R3HDM2: variants seen among roughly 807,000 people sequenced by gnomAD.
R3HDM2 encodes the protein R3H domain-containing protein 2.
A neutral mutation model predicts 124.5 loss-of-function variants in R3HDM2; 38 were observed. The observed-to-expected ratio is 0.31, with a 90% CI of 0.24 to 0.40. The LOEUF is 0.40. R3HDM2 is among the 10% of genes least tolerant of loss of function. The pLI, the probability that R3HDM2 is intolerant of heterozygous loss-of-function variation, is 1.00. For synonymous variants in R3HDM2, 391 were observed against 448.0 expected (o/e 0.87, Z 1.61); for missense variants, 869 against 1,236.9 (o/e 0.70, Z 4.46).
chr12:57,324,573 T>C (rs1241718754), intron 2 of R3HDM2, among the ~76,000 whole-genome samples: 1 of 152,220 alleles, frequency 6.6e-6, no homozygotes, highest in Non-Finnish European at 1.5e-5. Context: ...AAATCTGTAA[T>C]AATCATTAGT....
At chr12:57,266,003 G>T (rs1342347834) in intron 19 of R3HDM2, among the ~76,000 whole-genome samples, 6 of 152,088 alleles carry the variant, frequency 3.9e-5, no homozygotes, top group Middle Eastern at 3.4e-3. Context: ...CACCATGTTT[G>T]CCAGGCTGGT....
At chr12:57,423,420 T>A (rs969369640) in intron 1 of R3HDM2, among the ~76,000 whole-genome samples, 2 of 151,224 alleles carry the variant, frequency 1.3e-5, no homozygotes, top group African/African-American at 4.9e-5. Context: ...CAAGACCCTG[T>A]CTCAAAAAAA....
At chr12:57,357,416 C>T (rs1287172135) in intron 2 of R3HDM2, among the ~76,000 whole-genome samples, 2 of 151,242 alleles carry the variant, frequency 1.3e-5, no homozygotes, top group Non-Finnish European at 2.9e-5. Context: ...GAGCCAAGAT[C>T]GCGCCATTGC....
intron 1 of R3HDM2, among the ~76,000 whole-genome samples, chr12:57,403,479 C>G (rs1192538323): frequency 6.8e-6 from 1 of 147,496 alleles, no homozygotes; most frequent in African/African-American, 2.5e-5. Flanking sequence ...GTGACAAGAG[C>G]GAAACTCAGT....
intron 2 of R3HDM2, among the ~76,000 whole-genome samples, chr12:57,338,644 G>A (rs946964192): frequency 1.3e-5 from 2 of 151,962 alleles, no homozygotes; most frequent in African/African-American, 2.4e-5. Context: ...CACCCACCCT[G>A]GCCTCCCAAA....
chr12:57,396,669 C>G (rs2138861865), intron 1 of R3HDM2, among the ~76,000 whole-genome samples: 1 of 150,406 alleles, frequency 6.6e-6, no homozygotes, highest in South Asian at 2.1e-4. Flanking sequence ...ATCGCAGCTA[C>G]TCAGAAGGCT....
rs1592902658 is a variant in R3HDM2, at chr12:57,296,865, A to C, written c.561-314T>G. On this transcript the variant is annotated intron_variant, in intron 8 of 23. Transcript: ENST00000402412. This position sits in a 1 kb window ranked among gnomAD's most constrained non-coding sequence, Gnocchi z 4.5. ...GATCAATTGAGTTCAGGAGTTCAAG[A>C]CCAGCCTGGTCAACATGGTGAAACC... The C allele has an allele frequency of 7.8e-6, 2 of 256,350 alleles. No homozygotes were observed. Among genetic ancestry groups the C allele is most frequent in the Non-Finnish European group, 1.5e-5 (2 of 133,328 alleles). 15.9% of individuals were successfully genotyped at this position (256,350 alleles called of 1,614,324 possible).
intron 14 of R3HDM2, among the ~76,000 whole-genome samples, chr12:57,270,720 C>T (rs1228162411): frequency 2.0e-5 from 3 of 152,076 alleles, no homozygotes; most frequent in African/African-American, 7.2e-5. Context: ...AGGCGTGAGC[C>T]ACCGCACCAG....
intron 1 of R3HDM2, among the ~76,000 whole-genome samples, chr12:57,425,966 GC>G (rs913585873): frequency 2.7e-5 from 4 of 150,142 alleles, no homozygotes; most frequent in Non-Finnish European, 4.5e-5. Context: ...GGTGGCTCAT[GC>G]CTGTAATCCC....
rs1260676204 is a variant in R3HDM2, at chr12:57,254,209, A to G, written c.*564T>C. 4.4e-6 allele frequency: 2 copies of G among 455,928 alleles called. No individual in the cohort carries two copies. The highest frequency in any genetic ancestry group is 3.1e-5 in the South Asian group (2 of 64,462). The allele number at this position is 455,928 out of a possible 1,614,324, so 28.2% of individuals were successfully genotyped here. ...AGAAGAGATTTAAAAAAATGATAGA[A>G]GAGGATGGAAGCCAGGCACAGTGGC... is the stretch of plus-strand genomic sequence containing the variant. On this transcript the variant is annotated 3_prime_UTR_variant, in exon 24 of 24. Coordinates refer to ENST00000402412, the MANE Select transcript of R3HDM2 (RefSeq NM_001394031.1).
rs2067417787 is a variant in R3HDM2, at chr12:57,395,817, C to T, written c.-104G>A. ...ATCACATATAAGAAACAAGTCTAAC[C>T]TCTGGGGGAGGAGGGGGAAAAAAAA... On this transcript the variant is annotated splice_region_variant and 5_prime_UTR_variant, in exon 2 of 24. Coordinates refer to ENST00000402412, the MANE Select transcript of R3HDM2 (RefSeq NM_001394031.1). 1 of 984,476 alleles carries T rather than the reference C, an allele frequency of 1.0e-6. No homozygotes were observed. The highest frequency in any genetic ancestry group is 1.2e-6 in the Non-Finnish European group (1 of 829,394). 61.0% of individuals were successfully genotyped at this position (984,476 alleles called of 1,614,324 possible). A position where few individuals can be genotyped will look rare whatever the true frequency, so the allele number is the denominator to read the frequency against.
At chr12:57,289,370 G>A (rs1333613451) in intron 11 of R3HDM2, among the ~76,000 whole-genome samples, 1 of 152,158 alleles carries the variant, frequency 6.6e-6, no homozygotes, top group African/African-American at 2.4e-5. Flanking sequence ...TTGGTAACTT[G>A]GGAATAATAA....
intron 23 of R3HDM2, among the ~76,000 whole-genome samples, chr12:57,255,633 C>T (rs542863488): frequency 1.2e-3 from 176 of 152,232 alleles, no homozygotes; most frequent in African/African-American, 4.0e-3. Context: ...GCTTGTAGGA[C>T]GAGAGTTTCT....
intron 2 of R3HDM2, among the ~76,000 whole-genome samples, chr12:57,334,024 G>A (rs1451458850): frequency 6.6e-6 from 1 of 151,192 alleles, no homozygotes; most frequent in African/African-American, 2.4e-5. Context: ...GGGACAGAGC[G>A]AGACTCCGTC....
At chr12:57,380,576 C>T (rs1282869387) in intron 2 of R3HDM2, among the ~76,000 whole-genome samples, 1 of 152,134 alleles carries the variant, frequency 6.6e-6, no homozygotes, top group African/African-American at 2.4e-5. Flanking sequence ...ATTGCATCCT[C>T]CATACTGGTC....
chr12:57,342,871 A>T (rs2059705370), intron 2 of R3HDM2, among the ~76,000 whole-genome samples: 1 of 152,158 alleles, frequency 6.6e-6, no homozygotes, highest in Non-Finnish European at 1.5e-5. Flanking sequence ...TATTTAGTAA[A>T]ATTGTTTTTC....
intron 21 of R3HDM2, among the ~76,000 whole-genome samples, chr12:57,257,762 T>C (rs1465829593): frequency 6.6e-6 from 1 of 152,202 alleles, no homozygotes; most frequent in Non-Finnish European, 1.5e-5. Flanking sequence ...ACCTACTTGG[T>C]TGTAAGTACT....
chr12:57,330,477 G>A (rs2057980713), intron 2 of R3HDM2, among the ~76,000 whole-genome samples: 1 of 151,280 alleles, frequency 6.6e-6, no homozygotes, highest in South Asian at 2.1e-4. Context: ...CTGAGTAGCT[G>A]AAATTACAGG....
intron 2 of R3HDM2, 51 bp downstream of exon 2, chr12:57,395,698 A>AT: frequency 1.3e-6 from 1 of 794,092 alleles, no homozygotes; most frequent in Non-Finnish European, 1.5e-6. Context: ...ATGTATAACA[A>AT]TTTGTTGCCT....
Sources: allele counts gnomAD v4.1 joint callset (sites outside exome capture counted in the v4.1 genomes callset), GRCh38; gene constraint gnomAD v4.1.1; non-coding constraint Gnocchi (gnomAD v3.1); transcripts MANE v1.5; gene names NCBI Gene and HGNC (gene_info 2026-07-23, HGNC 2026-07-21).